ARHGAP39: variants seen among roughly 807,000 people sequenced by gnomAD.
The protein encoded by ARHGAP39 is rho GTPase-activating protein 39.
Under a neutral mutation model 106.9 loss-of-function variants are expected in ARHGAP39, and 44 were observed. The ratio of observed to expected loss-of-function variants is 0.41; its 90% CI spans 0.32 to 0.53. The LOEUF (loss-of-function observed/expected upper bound fraction) is 0.53. Ranked by LOEUF, ARHGAP39 falls within the 20% of genes least tolerant of loss-of-function variation. The pLI is 0.21. For synonymous variants in ARHGAP39, 768 were observed against 693.2 expected (o/e 1.11, Z -1.69); for missense variants, 1,496 against 1,577.3 (o/e 0.95, Z 0.87).
chr8:144,627,500 A>ATCGCACTT (rs1481388503), intron 1 of ARHGAP39, among the ~76,000 whole-genome samples: 1 of 143,818 alleles, frequency 7.0e-6, no homozygotes, highest in Non-Finnish European at 1.5e-5. Flanking sequence ...GCTTGCAGTG[A>ATCGCACTT]GCTGAGATCG....
chr8:144,679,542 A>G lies in ARHGAP39; in HGVS notation c.-82+6144T>C, dbSNP rs1822335773. Among the ~76,000 whole-genome samples the G allele has an allele frequency of 6.6e-6, 1 of 152,158 alleles. No individual in the cohort carries two copies. Among genetic ancestry groups the G allele is most frequent in the African/African-American group, 2.4e-5 (1 of 41,440 alleles). ...GTTGCTACTGCAACTCGCTCTGGAG[A>G]AAGCTGTCCAGTAAACTCCTGGATT... On this transcript the variant is annotated intron_variant, in intron 1 of 11. Coordinates refer to ENST00000377307, the MANE Select transcript of ARHGAP39 (RefSeq NM_025251.3). The surrounding 1 kb of genome is among the most constrained non-coding windows in gnomAD (Gnocchi z 4.7).
intron 3 of ARHGAP39, among the ~76,000 whole-genome samples, chr8:144,578,362 G>A (rs983084933): frequency 2.6e-5 from 4 of 152,128 alleles, no homozygotes; most frequent in African/African-American, 9.7e-5. Flanking sequence ...CCGAGTAGCT[G>A]GGATTACAGG....
intron 2 of ARHGAP39, among the ~76,000 whole-genome samples, chr8:144,597,106 G>A (rs1242627256): frequency 6.6e-6 from 1 of 152,234 alleles, no homozygotes; most frequent in African/African-American, 2.4e-5. Context: ...AGGAGACAGA[G>A]GAGGGACCTG....
intron 3 of ARHGAP39, among the ~76,000 whole-genome samples, chr8:144,570,428 G>C (rs1322324341): frequency 6.6e-6 from 1 of 152,134 alleles, no homozygotes; most frequent in East Asian, 1.9e-4. Flanking sequence ...ATGGAAAAAG[G>C]AGGCAAATTC....
intron 1 of ARHGAP39, among the ~76,000 whole-genome samples, chr8:144,678,188 T>G (rs1822292624): frequency 6.6e-6 from 1 of 151,970 alleles, no homozygotes; most frequent in Non-Finnish European, 1.5e-5. Flanking sequence ...GAGGATCACT[T>G]GAGCCCAGGA....
At chr8:144,601,340 G>A (rs555957567) in intron 2 of ARHGAP39, among the ~76,000 whole-genome samples, 1,532 of 143,648 alleles carry the variant, frequency 0.011, 33 homozygotes, top group African/African-American at 0.038. Flanking sequence ...GTGTGTGCTC[G>A]TGTACCTGTG....
chr8:144,629,042 G>A (rs962142430), intron 1 of ARHGAP39, among the ~76,000 whole-genome samples: 1 of 152,198 alleles, frequency 6.6e-6, no homozygotes, highest in Non-Finnish European at 1.5e-5. Context: ...CTCCCCCAAA[G>A]GTGTTGGCTC....
At chr8:144,655,570 C>A (rs1055513333) in intron 1 of ARHGAP39, among the ~76,000 whole-genome samples, 2 of 152,094 alleles carry the variant, frequency 1.3e-5, no homozygotes, top group Admixed American at 6.6e-5. Context: ...AGAGGAGCCA[C>A]CCACTCCAGG....
At chr8:144,598,758 A>C (rs982645485) in intron 2 of ARHGAP39, among the ~76,000 whole-genome samples, 1 of 152,212 alleles carries the variant, frequency 6.6e-6, no homozygotes, top group African/African-American at 2.4e-5. Flanking sequence ...ACACAGAGGC[A>C]CTGAAGAAAG....
At chr8:144,560,497 C>A (rs567022746) in intron 3 of ARHGAP39, among the ~76,000 whole-genome samples, 6 of 152,314 alleles carry the variant, frequency 3.9e-5, no homozygotes, top group African/African-American at 1.4e-4. Flanking sequence ...TGGTCAATAT[C>A]TTCAAACACA....
intron 6 of ARHGAP39, among the ~76,000 whole-genome samples, chr8:144,540,378 A>C (rs1478854448): frequency 1.3e-5 from 2 of 152,202 alleles, no homozygotes; most frequent in Non-Finnish European, 2.9e-5. Context: ...CCTGGGCCAC[A>C]GAGTCTCAGA....
At chr8:144,601,661 G>T (rs1563699558) in intron 2 of ARHGAP39, among the ~76,000 whole-genome samples, 1 of 137,342 alleles carries the variant, frequency 7.3e-6, no homozygotes, top group Non-Finnish European at 1.6e-5. Flanking sequence ...TGTGTGCATG[G>T]ATGCGTGCGT....
At chr8:144,539,283 G>T (rs941717255) in intron 6 of ARHGAP39, among the ~76,000 whole-genome samples, 25 of 152,156 alleles carry the variant, frequency 1.6e-4, no homozygotes, top group African/African-American at 6.0e-4. Context: ...AACATACAGA[G>T]CTAAACATGG....
In ARHGAP39 at chr8:144,641,440, T is replaced by C. The variant is rs2130988335; in HGVS notation, c.-81-35745A>G. Among the ~76,000 whole-genome samples the C allele has an allele frequency of 6.7e-6, 1 of 150,074 alleles. No individual in the cohort carries two copies. Among genetic ancestry groups the C allele is most frequent in the Non-Finnish European group, 1.5e-5 (1 of 67,662 alleles). On this transcript the variant is annotated intron_variant, in intron 1 of 11. Coordinates refer to ENST00000377307, the MANE Select transcript of ARHGAP39 (RefSeq NM_025251.3). The surrounding 1 kb of genome is among the most constrained non-coding windows in gnomAD (Gnocchi z 5.2). ...GCTGACCACCAAGACCCCACCATGC[T>C]CACATCGAGGAGGAATGCAGTGGCG...
At position 144,557,136 on chromosome 8, in the gene ARHGAP39, A is replaced by G. The variant is rs368072470; in HGVS notation, c.513-1493T>C. On this transcript the variant is annotated intron_variant, in intron 3 of 11. Coordinates refer to ENST00000377307, the MANE Select transcript of ARHGAP39 (RefSeq NM_025251.3). ...ATTCAGAGGCAAAGGCTGAACCTTC[A>G]TAGTATTCAGAGGCAAAAGGCTGAA... Among the ~76,000 whole-genome samples, 72 of 131,018 alleles carry G rather than the reference A, an allele frequency of 5.5e-4. 1 individual carries two copies. Among genetic ancestry groups the G allele is most frequent in the East Asian group, 1.1e-3 (5 of 4,548 alleles). The allele number at this position is 131,018 out of a possible 152,430, so 86.0% of individuals were successfully genotyped here.
rs556548261 is a variant in ARHGAP39, at chr8:144,586,768, C to A, written c.81-5491G>T. Among the ~76,000 whole-genome samples the A allele has an allele frequency of 1.5e-3, 223 of 152,318 alleles. 1 individual carries two copies. Among genetic ancestry groups the A allele is most frequent in the African/African-American group, 5.2e-3 (217 of 41,580 alleles). ...GCAGAAGTGTCCCCAGGATGGTTCC[C>A]ACTGGCACTGGCTGGCCTGGGCTGC... On this transcript the variant is annotated intron_variant, in intron 2 of 11. Transcript: ENST00000377307. This position sits in a 1 kb window ranked among gnomAD's most constrained non-coding sequence, Gnocchi z 4.2.
intron 2 of ARHGAP39, among the ~76,000 whole-genome samples, chr8:144,598,678 C>T (rs1819723593): frequency 6.6e-6 from 1 of 152,214 alleles, no homozygotes; most frequent in African/African-American, 2.4e-5. Flanking sequence ...AAGGCAAAAA[C>T]AAAAGTATGT....
chr8:144,627,565 A>AAG lies in ARHGAP39; in HGVS notation c.-81-21871_-81-21870insCT, dbSNP rs1289504378. ...GTGAGACTCCATCTCAAAAAAAAAA[A>AAG]AAAAAAGAAAGGAAGGAGGTTCACA... On this transcript the variant is annotated intron_variant, in intron 1 of 11. Transcript: ENST00000377307. 5.3e-5 allele frequency among the ~76,000 whole-genome samples: 8 copies of AAG among 150,540 alleles called. No homozygotes were observed. In the South Asian group the frequency reaches 1.5e-3, roughly 28 times the overall value.
intron 8 of ARHGAP39, 145 bp downstream of exon 8, chr8:144,533,984 A>T: frequency 1.1e-6 from 1 of 876,408 alleles, no homozygotes; most frequent in Middle Eastern, 3.6e-4. Flanking sequence ...AGCCTAGCGT[A>T]CCCCGCCACC....
Sources: gnomAD v4.1 joint callset for allele counts (sites outside exome capture counted in the v4.1 genomes callset) on GRCh38, gnomAD v4.1.1 for gene constraint, Gnocchi (gnomAD v3.1) non-coding constraint, MANE v1.5 for transcripts, NCBI Gene and HGNC (gene_info 2026-07-23, HGNC 2026-07-21) for gene names.